The following CROCC2 variants were observed in gnomAD, a reference collection of about 807,000 sequenced individuals.
CROCC2 encodes the protein ciliary rootlet coiled-coil, rootletin family member 2.
CROCC2 carries 163 observed loss-of-function variants against 177.6 expected under a neutral mutation model. The observed-to-expected ratio is 0.92, with a 90% CI of 0.81 to 1.05. The LOEUF (loss-of-function observed/expected upper bound fraction) is 1.05. Ranked by LOEUF, CROCC2 falls within the 50% of genes least tolerant of loss-of-function variation. The pLI, the probability that CROCC2 is intolerant of heterozygous loss-of-function variation, is 0.00. For synonymous variants in CROCC2, 904 were observed against 787.3 expected (o/e 1.15, Z -2.48); for missense variants, 1,929 against 1,797.8 (o/e 1.07, Z -1.32).
At chr2:240,989,477 C>T (rs568106596) in intron 29 of CROCC2, among the ~76,000 whole-genome samples, 177 bp from the exon 30 acceptor site, 1 of 152,346 alleles carries the variant, frequency 6.6e-6, no homozygotes, top group Non-Finnish European at 1.5e-5. Context: ...CCAAGGCCCA[C>T]GGGCTGAACA....
Position 240,935,503 on chromosome 2 carries a change from G to T in CROCC2, c.2084G>T (p.Arg695Leu). ...ERRGLQQACG[R>L]LEQRQEQLEG... is the part of the protein sequence containing the mutation. ...AGGGGCCTGCAGCAGGCCTGCGGAC[G>T]CCTGGAGCAGCGGCAGGAGCAGCTG... Residue 695 changes from arginine (R) to leucine (L), a missense_variant, in exon 14 of 32, where the codon CGC becomes CTC. Coordinates refer to ENST00000690015, the MANE Select transcript of CROCC2 (RefSeq NM_001351305.2). The T allele has an allele frequency of 7.4e-7, 1 of 1,344,788 alleles. No individual in the cohort carries two copies. Among genetic ancestry groups the T allele is most frequent in the Non-Finnish European group, 9.6e-7 (1 of 1,044,734 alleles). 83.3% of individuals were successfully genotyped at this position (1,344,788 alleles called of 1,614,324 possible).
chr2:240,934,602 C>A, intron 12 of CROCC2, 127 bp downstream of exon 12: 1 of 986,316 alleles, frequency 1.0e-6, no homozygotes, highest in South Asian at 1.7e-5. Context: ...CCAGAGATCC[C>A]AAAGTCACCA....
At chr2:240,940,392 G>GAT (rs1362934144) in intron 14 of CROCC2, among the ~76,000 whole-genome samples, 1 of 151,834 alleles carries the variant, frequency 6.6e-6, no homozygotes, top group East Asian at 1.9e-4. Flanking sequence ...TTTTGATACT[G>GAT]ATATAGCCAC....
chr2:240,964,994 G>A (rs2059669959), intron 22 of CROCC2, among the ~76,000 whole-genome samples: 1 of 152,168 alleles, frequency 6.6e-6, no homozygotes, highest in African/African-American at 2.4e-5. Context: ...TAGAGGGGAG[G>A]CCTGGCCTCT....
chr2:240,914,153 G>C (rs915710344), intron 1 of CROCC2, among the ~76,000 whole-genome samples: 3 of 152,220 alleles, frequency 2.0e-5, no homozygotes, highest in African/African-American at 7.2e-5. Flanking sequence ...CTGCAGTGGA[G>C]CCAAGTCCAG....
intron 20 of CROCC2, among the ~76,000 whole-genome samples, chr2:240,962,047 C>T (rs1346343427): frequency 6.8e-6 from 1 of 146,972 alleles, no homozygotes; most frequent in African/African-American, 2.5e-5. Context: ...CACACGCGCA[C>T]ACACATACAC....
intron 29 of CROCC2, among the ~76,000 whole-genome samples, 193 bp from the exon 30 acceptor site, chr2:240,989,461 C>A (rs1335707055): frequency 6.6e-6 from 1 of 152,186 alleles, no homozygotes; most frequent in Non-Finnish European, 1.5e-5. Flanking sequence ...CCAGCCAAAG[C>A]CAAACCCAAG....
At chr2:240,910,662 T>C (rs573668687) in intron 1 of CROCC2, among the ~76,000 whole-genome samples, 10 of 152,352 alleles carry the variant, frequency 6.6e-5, no homozygotes, top group Admixed American at 1.3e-4. Context: ...TTTCTGATAC[T>C]AGCCGCGTAC....
In CROCC2 at chr2:240,935,570, C is replaced by A; in HGVS notation, c.2151C>A (p.Leu717=). 7.4e-7 allele frequency: 1 copy of A among 1,352,774 alleles called. No individual in the cohort carries two copies. The highest frequency in any genetic ancestry group is 9.5e-7 in the Non-Finnish European group (1 of 1,052,592). The allele number at this position is 1,352,774 out of a possible 1,614,324, so 83.8% of individuals were successfully genotyped here. A position where few individuals can be genotyped will look rare whatever the true frequency, so the allele number is the denominator to read the frequency against. The part of the protein sequence containing the change: ...AALLGREKAQ[L]QEQVGQVTCQ... Reference sequence around the variant, plus strand: ...TGCTGGGGCGAGAGAAGGCCCAGCTCCAGGAGCAGGTGGGCCAGGTGAGGA... The same window carrying A: ...TGCTGGGGCGAGAGAAGGCCCAGCTACAGGAGCAGGTGGGCCAGGTGAGGA... The change falls in exon 14 of 32, where the codon CTC becomes CTA. Residue 717 remains leucine (L), a synonymous_variant. Coordinates refer to ENST00000690015, the MANE Select transcript of CROCC2 (RefSeq NM_001351305.2).
chr2:240,962,696 G>A lies in CROCC2; in HGVS notation c.3088-860G>A, dbSNP rs1282996637. Among the ~76,000 whole-genome samples, 4 of 152,132 alleles carry A rather than the reference G, an allele frequency of 2.6e-5. No individual in the cohort carries two copies. In the East Asian group the frequency reaches 5.8e-4, roughly 22 times the overall value. On this transcript the variant is annotated intron_variant, in intron 20 of 31. Transcript: ENST00000690015. ...TGGGCATGCCCCGCTGGCTACCTCCGCCTCCTCCTCTGGGACACACGAGAG... is the reference window on the plus strand; with the variant it reads ...TGGGCATGCCCCGCTGGCTACCTCCACCTCCTCCTCTGGGACACACGAGAG...
At chr2:240,937,163 C>T (rs4675841) in intron 14 of CROCC2, among the ~76,000 whole-genome samples, 48,643 of 151,898 alleles carry the variant, frequency 0.32, 8,575 homozygotes, top group Middle Eastern at 0.5. Context: ...TCTGCCTTCT[C>T]GACATTTGGT....
intron 27 of CROCC2, among the ~76,000 whole-genome samples, chr2:240,974,675 C>A (rs373336330): frequency 6.6e-5 from 10 of 151,816 alleles, no homozygotes; most frequent in African/African-American, 2.2e-4. Context: ...CAGCCAACAC[C>A]CTCTTTTTGT....
Position 240,989,681 on chromosome 2 carries a change from C to T in CROCC2, c.4711C>T (p.His1571Tyr), listed in dbSNP as rs1461283790. The T allele has an allele frequency of 6.2e-5, 96 of 1,549,512 alleles. No homozygotes were observed. Among genetic ancestry groups the T allele is most frequent in the Non-Finnish European group, 7.7e-5 (88 of 1,146,270 alleles). The change falls in exon 30 of 32, where the codon CAC (histidine) becomes TAC (tyrosine). Residue 1571 changes from histidine (H) to tyrosine (Y), a missense_variant. Around this residue, in one of 3 missense-constraint regions of CROCC2, gnomAD observed 388 missense variants for 352.7 expected, o/e 1.10. Coordinates refer to ENST00000690015, the MANE Select transcript of CROCC2 (RefSeq NM_001351305.2). ...QAQMTEMEQA[H>Y]TQRLQDLTAQ... is the part of the protein sequence containing the mutation. Reference sequence around the variant, plus strand: ...CCAGATGACAGAGATGGAGCAGGCCCACACCCAGCGGCTCCAGGACCTGAC... The same window carrying T: ...CCAGATGACAGAGATGGAGCAGGCCTACACCCAGCGGCTCCAGGACCTGAC...
At chr2:240,980,096 C>G (rs2059788177) in intron 27 of CROCC2, among the ~76,000 whole-genome samples, 1 of 71,770 alleles carries the variant, frequency 1.4e-5, no homozygotes, top group Non-Finnish European at 2.8e-5. Flanking sequence ...GGATCCCAGG[C>G]TCATCCCTGC....
intron 31 of CROCC2, among the ~76,000 whole-genome samples, chr2:240,991,543 C>T (rs545009822): frequency 3.0e-4 from 45 of 152,382 alleles, no homozygotes; most frequent in African/African-American, 8.9e-4. Flanking sequence ...ACTCTGAGCC[C>T]GCTGACCGCA....
At chr2:240,969,890 CT>C (rs982212199) in intron 27 of CROCC2, among the ~76,000 whole-genome samples, 1 of 152,124 alleles carries the variant, frequency 6.6e-6, no homozygotes, top group Non-Finnish European at 1.5e-5. Flanking sequence ...GCCAATACAC[CT>C]AATTTTTTTG....
At chr2:240,929,327 G>A (rs2059413368) in intron 5 of CROCC2, among the ~76,000 whole-genome samples, 1 of 152,112 alleles carries the variant, frequency 6.6e-6, no homozygotes, top group Non-Finnish European at 1.5e-5. Flanking sequence ...CAGGGGTGGG[G>A]CTGTCACAGG....
At chr2:240,919,890 G>GGCCCC in intron 2 of CROCC2, 93 bp from the exon 3 acceptor site, 2 of 591,408 alleles carry the variant, frequency 3.4e-6, no homozygotes, top group East Asian at 6.2e-5. Context: ...GAGCCTGGTG[G>GGCCCC]CCAGCCCAGG....
Position 240,983,002 on chromosome 2 carries a change from T to A in CROCC2, c.4524T>A (p.Ala1508=). 1 of 1,550,412 alleles carries A rather than the reference T, an allele frequency of 6.4e-7. No homozygotes were observed. The highest frequency in any genetic ancestry group is 8.7e-7 in the Non-Finnish European group (1 of 1,146,952). ...ACTTGGAGCACAGGTGCCAGAAGGC[T>A]GAGGTATCGCTGGAGCCCCTGCGAC... ...LTNLEHRCQK[A]EVSLEPLRQM... The change falls in exon 28 of 32, where the codon GCT becomes GCA. Residue 1508 remains alanine (A), a synonymous_variant. Transcript: ENST00000690015.
Sources: allele counts gnomAD v4.1 joint callset (sites outside exome capture counted in the v4.1 genomes callset), GRCh38; gene constraint gnomAD v4.1.1; regional missense constraint gnomAD v4.1.1; transcripts MANE v1.5; gene names NCBI Gene and HGNC (gene_info 2026-07-23, HGNC 2026-07-21).